The following FBXL5 variants were observed in gnomAD, a reference collection of about 807,000 sequenced individuals.
The protein encoded by FBXL5 is F-box and leucine rich repeat protein 5.
In FBXL5, 26 loss-of-function variants were observed where a neutral mutation model predicts 78.3. The ratio of observed to expected loss-of-function variants is 0.33; its 90% CI spans 0.24 to 0.46. The LOEUF (loss-of-function observed/expected upper bound fraction) is 0.46. Ranked by LOEUF, FBXL5 falls within the 20% of genes least tolerant of loss-of-function variation. The probability of loss-of-function intolerance (pLI) is 1.00; values close to 1 mark genes in which losing one functional copy is unlikely to be tolerated. For missense variants in FBXL5, 710 were observed against 829.2 expected, an observed-to-expected ratio of 0.86 and a Z score of 1.77; for synonymous variants, 295 against 282.5, an observed-to-expected ratio of 1.04 and a Z score of -0.45.
Position 15,640,823 on chromosome 4 carries a change from T to C in FBXL5, c.361A>G (p.Arg121Gly). The C allele has an allele frequency of 6.4e-7, 1 of 1,571,942 alleles. No individual in the cohort carries two copies. Among genetic ancestry groups the C allele is most frequent in the Non-Finnish European group, 8.6e-7 (1 of 1,162,294 alleles). The change falls in exon 3 of 11, where the codon AGA (arginine) becomes GGA (glycine). Residue 121 changes from arginine (R) to glycine (G), a missense_variant. By Grantham distance (125) the Arg-to-Gly change is moderately radical. This residue lies in a region of FBXL5 where 132 missense variants were observed against 156.9 expected (regional missense o/e 0.84). Transcript: ENST00000341285. ...TCTTTCATGTGAGGAAGAAAATCTCTTGTAAAAGCCTCCAATCTCTCTTTC... is the reference window on the plus strand; with the variant it reads ...TCTTTCATGTGAGGAAGAAAATCTCCTGTAAAAGCCTCCAATCTCTCTTTC... ...QLKERLEAFT[R>G]DFLPHMKEEE...
At position 15,625,774 on chromosome 4, in the gene FBXL5, T is replaced by C; in HGVS notation, c.1328A>G (p.Gln443Arg). 6.2e-7 allele frequency: 1 copy of C among 1,614,208 alleles called. No homozygotes were observed. The highest frequency in any genetic ancestry group is 8.5e-7 in the Non-Finnish European group (1 of 1,180,024). ...NKDITMQSTK[Q>R]YACLHDLTNK... ...AGTTAAATCGTGCAAACAGGCATAC[T>C]GCTTGGTGGACTGCATGGTAATGTC... Residue 443 changes from glutamine (Q) to arginine (R), a missense_variant, in exon 9 of 11, where the codon CAG becomes CGG. Physicochemically the swap from Gln to Arg is conservative, Grantham distance 43 (BLOSUM62 1). Around this residue, in one of 4 missense-constraint regions of FBXL5, gnomAD observed 517 missense variants for 542.9 expected, o/e 0.95. Transcript: ENST00000341285.
At chr4:15,616,388 C>A (rs1260717207) in intron 9 of FBXL5, among the ~76,000 whole-genome samples, 1 of 152,266 alleles carries the variant, frequency 6.6e-6, no homozygotes, top group Non-Finnish European at 1.5e-5. Flanking sequence ...AGGTCTCACC[C>A]CCAACAGCAC....
chr4:15,670,550 T>G (rs4453929), intron 1 of FBXL5, among the ~76,000 whole-genome samples: 94,318 of 151,962 alleles, frequency 0.62, 29,527 homozygotes, highest in Non-Finnish European at 0.66. Flanking sequence ...TTTATCCAAT[T>G]CAACAACCTT....
intron 9 of FBXL5, among the ~76,000 whole-genome samples, chr4:15,616,264 C>T (rs1711857962): frequency 1.3e-5 from 2 of 152,232 alleles, no homozygotes; most frequent in African/African-American, 4.8e-5. Flanking sequence ...GACCAAGAAC[C>T]CACCAATTCC....
chr4:15,635,297 A>G (rs1311131678), intron 5 of FBXL5, among the ~76,000 whole-genome samples: 1 of 149,704 alleles, frequency 6.7e-6, no homozygotes, highest in East Asian at 2.0e-4. Context: ...CGTGCCACTG[A>G]GCTACAGCCT....
At chr4:15,649,181 CAGAG>C (rs1286612934) in intron 1 of FBXL5, among the ~76,000 whole-genome samples, 4 of 151,590 alleles carry the variant, frequency 2.6e-5, no homozygotes, top group Admixed American at 2.6e-4. Flanking sequence ...AAAAGAGCAA[CAGAG>C]AGAAAAGTCC....
rs148345900 is a variant in FBXL5 at position 15,605,376 on chromosome 4, A to G, written c.*347T>C. On this transcript the variant is annotated 3_prime_UTR_variant, in exon 11 of 11. Transcript: ENST00000341285. ...CTTGGTACAGTGTTAATGTGTAAAGAGAACCAATCACCTCCATGGACTTTA... is the reference window on the plus strand; with the variant it reads ...CTTGGTACAGTGTTAATGTGTAAAGGGAACCAATCACCTCCATGGACTTTA... 64 of 190,942 alleles carry G rather than the reference A, an allele frequency of 3.4e-4. 2 individuals are homozygous for G. The East Asian group carries it at 8.4e-3, about 25-fold the overall frequency. 11.8% of individuals were successfully genotyped at this position (190,942 alleles called of 1,614,324 possible). A position where few individuals can be genotyped will look rare whatever the true frequency, so the allele number is the denominator to read the frequency against.
At chr4:15,670,808 TC>T (rs1259888717) in intron 1 of FBXL5, among the ~76,000 whole-genome samples, 17 of 152,082 alleles carry the variant, frequency 1.1e-4, no homozygotes, top group Admixed American at 1.1e-3. Context: ...TGACTTAACT[TC>T]CTTTAACATT....
At chr4:15,660,468 C>G (rs76509782), upstream of FBXL5, among the ~76,000 whole-genome samples, 1,781 of 152,264 alleles carry the variant, frequency 0.012, 42 homozygotes, top group African/African-American at 0.041. Flanking sequence ...ATGCTGAGAG[C>G]TACCTAGAAA....
intron 2 of FBXL5, 39 bp downstream of exon 2, chr4:15,644,454 A>C (rs1370084442): frequency 5.2e-6 from 8 of 1,529,704 alleles, no homozygotes; most frequent in Non-Finnish European, 5.4e-6. Flanking sequence ...AGAAGATGGC[A>C]CAAGTTTTGA....
At chr4:15,653,528 G>A (rs187459488) in intron 1 of FBXL5, among the ~76,000 whole-genome samples, 1 of 152,210 alleles carries the variant, frequency 6.6e-6, no homozygotes, top group Admixed American at 6.5e-5. Context: ...ATGGACACAC[G>A]CACAAAATTT....
At chr4:15,612,059 G>T (rs1032348506) in intron 10 of FBXL5, 1 of 426,732 alleles carries the variant, frequency 2.3e-6, no homozygotes, top group Admixed American at 4.4e-5. Flanking sequence ...TGGATATTTA[G>T]AATATACATC....
intron 9 of FBXL5, among the ~76,000 whole-genome samples, chr4:15,622,651 G>C (rs1047822311): frequency 1.3e-5 from 2 of 151,004 alleles, no homozygotes; most frequent in Admixed American, 6.6e-5. Context: ...TGAAGGCAGA[G>C]AATTGTCTTA....
intron 10 of FBXL5, among the ~76,000 whole-genome samples, chr4:15,611,319 C>CT (rs144854737): frequency 0.091 from 13,843 of 152,052 alleles, 766 homozygotes; most frequent in Non-Finnish European, 0.12. Context: ...TCATTACTCC[C>CT]TCTGGTCTTC....
At chr4:15,623,479 T>C (rs1712684944) in intron 9 of FBXL5, among the ~76,000 whole-genome samples, 1 of 151,230 alleles carries the variant, frequency 6.6e-6, no homozygotes, top group Non-Finnish European at 1.5e-5. Context: ...GAGCTATAAA[T>C]AAATTTCAAT....
At chr4:15,659,685 G>A, upstream of FBXL5, 1 of 975,206 alleles carries the variant, frequency 1.0e-6, no homozygotes, top group African/African-American at 1.7e-5. Flanking sequence ...TTCAGACAGA[G>A]AAGAGCCTTC....
intron 1 of FBXL5, among the ~76,000 whole-genome samples, chr4:15,675,595 T>C (rs916965677): frequency 1.4e-5 from 2 of 145,050 alleles, no homozygotes; most frequent in Non-Finnish European, 3.0e-5. Context: ...TTTTTTTTTT[T>C]TTTGAGGCAG....
intron 1 of FBXL5, among the ~76,000 whole-genome samples, chr4:15,680,489 G>A (rs1404139205): frequency 6.6e-6 from 1 of 152,090 alleles, no homozygotes; most frequent in Non-Finnish European, 1.5e-5. Context: ...TGGCCAAAAT[G>A]GTGAAACCCC....
intron 1 of FBXL5, among the ~76,000 whole-genome samples, chr4:15,680,514 G>GA (rs36023811): frequency 6.6e-6 from 1 of 151,760 alleles, no homozygotes; most frequent in Non-Finnish European, 1.5e-5. Flanking sequence ...TTGTATTTTT[G>GA]AAAAATACAA....
Sources: allele counts gnomAD v4.1 joint callset (sites outside exome capture counted in the v4.1 genomes callset), GRCh38; gene constraint gnomAD v4.1.1; regional missense constraint gnomAD v4.1.1; transcripts MANE v1.5; gene names NCBI Gene and HGNC (gene_info 2026-07-23, HGNC 2026-07-21).